Variants in DENND6A observed in about 807,000 individuals in gnomAD.
DENND6A encodes protein DENND6A.
DENND6A carries 43 observed loss-of-function variants against 95.5 expected under a neutral mutation model. The ratio of observed to expected loss-of-function variants is 0.45; its 90% confidence interval spans 0.35 to 0.58. The LOEUF (loss-of-function observed/expected upper bound fraction) is 0.58, where lower values mean the gene tolerates loss of function less well. Ranked by LOEUF, DENND6A falls within the 20% of genes least tolerant of loss-of-function variation. The pLI is 0.00. For synonymous variants in DENND6A, 257 were observed against 260.4 expected (o/e 0.99, Z 0.13); for missense variants, 574 against 736.0 (o/e 0.78, Z 2.55).
intron 1 of DENND6A, among the ~76,000 whole-genome samples, chr3:57,685,230 C>T (rs1175106827): frequency 6.6e-6 from 1 of 151,916 alleles, no homozygotes; most frequent in Non-Finnish European, 1.5e-5. Flanking sequence ...GCCTAGAATT[C>T]TTGTTTATAT....
In DENND6A at chr3:57,692,895, C is replaced by G; in HGVS notation, c.124G>C (p.Asp42His). Residue 42 changes from aspartate to histidine, a missense_variant, in exon 1 of 20, where the codon GAT becomes CAT. Transcript: ENST00000311128. The stretch of plus-strand genomic sequence containing the variant: ...CGGCCACGGCCATCGTCCTCTTCAT[C>G]GTCCTCTGGCGCGCCTCCCGCCGCC... ...LVAAGGAPED[D>H]EEDDGRGRGL... 2 of 1,571,002 alleles carry G rather than the reference C, an allele frequency of 1.3e-6. No individual in the cohort carries two copies. Among genetic ancestry groups the G allele is most frequent in the South Asian group, 2.3e-5 (2 of 85,816 alleles).
intron 9 of DENND6A, chr3:57,654,907 C>T: frequency 1.7e-6 from 1 of 595,806 alleles, no homozygotes; most frequent in Non-Finnish European, 2.1e-6. Context: ...GTAAGCTCTA[C>T]AGAAACAAAA....
rs1370170906 is a variant in DENND6A at position 57,626,005 on chromosome 3, T to A, written c.*2209A>T. 1.3e-5 allele frequency: 2 copies of A among 152,618 alleles called. No homozygotes were observed. The highest frequency in any genetic ancestry group is 2.9e-5 in the Non-Finnish European group (2 of 68,030). The allele number at this position is 152,618 out of a possible 1,614,324, so 9.5% of individuals were successfully genotyped here. A position where few individuals can be genotyped will look rare whatever the true frequency, so the allele number is the denominator to read the frequency against. Reference sequence around the variant, plus strand: ...TAAAATATACCTTTTTGAAAAATAATAAGATGACCATTTATACCTAAATAA... The same window carrying A: ...TAAAATATACCTTTTTGAAAAATAAAAAGATGACCATTTATACCTAAATAA... On this transcript the variant is annotated 3_prime_UTR_variant, in exon 20 of 20. Transcript: ENST00000311128.
intron 8 of DENND6A, among the ~76,000 whole-genome samples, chr3:57,658,088 T>G (rs2071360934): frequency 6.6e-6 from 1 of 151,676 alleles, no homozygotes; most frequent in South Asian, 2.1e-4. Flanking sequence ...TACAAAAAAT[T>G]AGCCAGGCAT....
intron 12 of DENND6A, among the ~76,000 whole-genome samples, chr3:57,640,274 A>C (rs567530524): frequency 2.2e-4 from 31 of 139,564 alleles, no homozygotes; most frequent in South Asian, 1.1e-3. Flanking sequence ...GTCTCAAAAA[A>C]AAAAAACAAA....
intron 1 of DENND6A, among the ~76,000 whole-genome samples, chr3:57,691,854 CTGAT>C (rs1011237610): frequency 6.6e-6 from 1 of 151,976 alleles, no homozygotes; most frequent in Non-Finnish European, 1.5e-5. Context: ...GAAAAGTTGA[CTGAT>C]TGACAAGCAA....
intron 1 of DENND6A, among the ~76,000 whole-genome samples, chr3:57,673,229 A>AG (rs1553743927): frequency 2.5e-4 from 38 of 149,906 alleles, no homozygotes; most frequent in African/African-American, 8.3e-4. Context: ...AAAAAAAAAA[A>AG]AAAGAAAGAA....
In DENND6A at chr3:57,625,901, C is replaced by G. The variant is rs1050446851; in HGVS notation, c.*2313G>C. 3 of 152,468 alleles carry G rather than the reference C, an allele frequency of 2.0e-5. No individual in the cohort carries two copies. Among genetic ancestry groups the G allele is most frequent in the African/African-American group, 7.3e-5 (3 of 41,352 alleles). The allele number at this position is 152,468 out of a possible 1,614,324, so 9.4% of individuals were successfully genotyped here. A position where few individuals can be genotyped will look rare whatever the true frequency, so the allele number is the denominator to read the frequency against. ...CTTGAAATGATACATCCTGTAGTGG[C>G]ATAATTTAAAAGATCCTTGATATGA... On this transcript the variant is annotated 3_prime_UTR_variant, in exon 20 of 20. Coordinates refer to ENST00000311128, the MANE Select transcript of DENND6A (RefSeq NM_152678.3).
intron 1 of DENND6A, among the ~76,000 whole-genome samples, chr3:57,687,168 G>C (rs946199691): frequency 2.0e-5 from 3 of 152,120 alleles, no homozygotes; most frequent in Admixed American, 1.3e-4. Context: ...CAAAGGAAAA[G>C]TTCTTGAAGG....
intron 11 of DENND6A, among the ~76,000 whole-genome samples, chr3:57,644,709 G>T (rs1411576571): frequency 8.9e-5 from 3 of 33,640 alleles, no homozygotes; most frequent in Non-Finnish European, 1.7e-4. Context: ...GGGAGGGGAG[G>T]GGAGAGGAGG....
At chr3:57,675,571 T>C (rs919299485) in intron 1 of DENND6A, among the ~76,000 whole-genome samples, 4 of 152,224 alleles carry the variant, frequency 2.6e-5, no homozygotes, top group East Asian at 1.9e-4. Context: ...AGGATCATTA[T>C]GCATTTTCTT....
intron 1 of DENND6A, 48 bp from the exon 2 acceptor site, chr3:57,672,486 T>G (rs1404712837): frequency 8.3e-6 from 13 of 1,571,036 alleles, no homozygotes; most frequent in African/African-American, 1.4e-5. Context: ...AAACATTAGT[T>G]ATAAACATAT....
chr3:57,683,988 A>G (rs1271704335), intron 1 of DENND6A, among the ~76,000 whole-genome samples: 1 of 151,960 alleles, frequency 6.6e-6, no homozygotes, highest in Non-Finnish European at 1.5e-5. Context: ...CCCCATCTCT[A>G]CTAAAAATAC....
At chr3:57,691,193 G>A (rs2077261065) in intron 1 of DENND6A, among the ~76,000 whole-genome samples, 1 of 152,126 alleles carries the variant, frequency 6.6e-6, no homozygotes, top group Admixed American at 6.5e-5. Context: ...ATGCTTTCTG[G>A]TTAAATTGTA....
intron 1 of DENND6A, among the ~76,000 whole-genome samples, chr3:57,689,141 G>C (rs1311143906): frequency 6.6e-6 from 1 of 151,942 alleles, no homozygotes; most frequent in East Asian, 1.9e-4. Context: ...TTTTAGTAGA[G>C]ACGGGGTTTC....
chr3:57,674,462 C>G (rs913778690), intron 1 of DENND6A, among the ~76,000 whole-genome samples: 2 of 151,938 alleles, frequency 1.3e-5, no homozygotes, highest in East Asian at 3.9e-4. Context: ...AAAACCCCAT[C>G]TCTACTAAAA....
chr3:57,688,268 T>A (rs2077229338), intron 1 of DENND6A, among the ~76,000 whole-genome samples: 1 of 152,126 alleles, frequency 6.6e-6, no homozygotes, highest in Admixed American at 6.5e-5. Context: ...AGTGCTTGGA[T>A]TACAGGCATG....
Position 57,628,018 on chromosome 3 carries a change from C to A in DENND6A, c.*196G>T. On this transcript the variant is annotated 3_prime_UTR_variant, in exon 20 of 20. Transcript: ENST00000311128. ...CGGTGTTTCAGTATTAAAGTGGAAC[C>A]ACCACAGATATCCACTTTAAAAAGT... The A allele has an allele frequency of 1.6e-6, 1 of 629,646 alleles. No homozygotes were observed. The highest frequency in any genetic ancestry group is 3.2e-5 in the South Asian group (1 of 31,576). The allele number at this position is 629,646 out of a possible 1,614,324, so 39.0% of individuals were successfully genotyped here.
intron 3 of DENND6A, among the ~76,000 whole-genome samples, chr3:57,666,930 C>T (rs193048033): frequency 1.1e-3 from 170 of 152,304 alleles, no homozygotes; most frequent in African/African-American, 4.0e-3. Context: ...AAAAGTTATG[C>T]TATGAGCACC....
Sources: gnomAD v4.1 joint callset for allele counts (sites outside exome capture counted in the v4.1 genomes callset) on GRCh38, gnomAD v4.1.1 for gene constraint, MANE v1.5 for transcripts, NCBI Gene and HGNC (gene_info 2026-07-23, HGNC 2026-07-21) for gene names.